The following CSMD1 variants were observed in gnomAD, a reference collection of about 807,000 sequenced individuals.
CSMD1 encodes the protein CUB and sushi domain-containing protein 1.
Under a neutral mutation model 417.5 loss-of-function variants are expected in CSMD1, and 213 were observed. The ratio of observed to expected loss-of-function variants is 0.51; its 90% CI spans 0.46 to 0.57. The LOEUF (loss-of-function observed/expected upper bound fraction) is 0.57, where lower values mean the gene tolerates loss of function less well. Among genes scored for constraint, CSMD1 ranks in the 20% least tolerant of loss-of-function variants. CSMD1 has a pLI of 0.00. For missense variants in CSMD1, 6,923 were observed against 4,529.7 expected (o/e 1.53, Z -15.17); for synonymous variants, 2,862 against 1,736.8 (o/e 1.65, Z -16.11).
intron 3 of CSMD1, among the ~76,000 whole-genome samples, chr8:4,112,263 G>A (rs981754697): frequency 6.6e-6 from 1 of 152,100 alleles, no homozygotes; most frequent in African/African-American, 2.4e-5. Flanking sequence ...AGGCATCAAT[G>A]AATGTCTCTG....
At chr8:3,952,812 A>T (rs1811678374) in intron 5 of CSMD1, among the ~76,000 whole-genome samples, 1 of 152,222 alleles carries the variant, frequency 6.6e-6, no homozygotes, top group South Asian at 2.1e-4. Flanking sequence ...TACTCTCATT[A>T]ATCAAAGAAA....
intron 22 of CSMD1, among the ~76,000 whole-genome samples, chr8:3,344,323 T>C (rs1296167778): frequency 1.3e-5 from 2 of 152,148 alleles, no homozygotes; most frequent in African/African-American, 4.8e-5. Context: ...GACTTTCTAG[T>C]AGGACAAATA....
intron 5 of CSMD1, among the ~76,000 whole-genome samples, chr8:3,770,886 A>G (rs1179045523): frequency 6.6e-6 from 1 of 152,198 alleles, no homozygotes; most frequent in Admixed American, 6.6e-5. Context: ...TTAGTCTCAT[A>G]GCATTTTGCA....
intron 28 of CSMD1, among the ~76,000 whole-genome samples, chr8:3,222,483 A>T (rs1389664479): frequency 1.3e-5 from 2 of 152,034 alleles, no homozygotes; most frequent in African/African-American, 4.8e-5. Context: ...CCAATTTTTA[A>T]AATTTTTTGT....
At chr8:4,551,788 C>T (rs887605845) in intron 2 of CSMD1, among the ~76,000 whole-genome samples, 1 of 152,094 alleles carries the variant, frequency 6.6e-6, no homozygotes, top group Non-Finnish European at 1.5e-5. Context: ...AAATGATCCT[C>T]CCACCTCAGC....
At chr8:4,881,431 C>CTATG (rs1803389738) in intron 1 of CSMD1, among the ~76,000 whole-genome samples, 1 of 45,668 alleles carries the variant, frequency 2.2e-5, no homozygotes, top group African/African-American at 4.3e-5. Flanking sequence ...ATCTATCTAT[C>CTATG]TATCTATCTA....
intron 2 of CSMD1, among the ~76,000 whole-genome samples, chr8:4,571,411 T>C (rs1798887888): frequency 6.6e-6 from 1 of 152,190 alleles, no homozygotes; most frequent in African/African-American, 2.4e-5. Context: ...CCAGTGGTCA[T>C]TTAGGAGCAG....
chr8:4,731,721 C>A (rs1717066301), intron 1 of CSMD1, among the ~76,000 whole-genome samples: 1 of 152,078 alleles, frequency 6.6e-6, no homozygotes, highest in South Asian at 2.1e-4. Context: ...CACGAGGACC[C>A]AGGAACAGCA....
At chr8:3,043,305 C>T (rs1055578319) in intron 50 of CSMD1, among the ~76,000 whole-genome samples, 2 of 149,756 alleles carry the variant, frequency 1.3e-5, no homozygotes, top group South Asian at 4.2e-4. Context: ...TACTAGGTCA[C>T]TATGGTGATA....
At chr8:4,797,094 C>T (rs754638052) in intron 1 of CSMD1, among the ~76,000 whole-genome samples, 1 of 152,042 alleles carries the variant, frequency 6.6e-6, no homozygotes, top group Non-Finnish European at 1.5e-5. Flanking sequence ...CAGTGAGAAT[C>T]GAATCAGAGA....
intron 3 of CSMD1, among the ~76,000 whole-genome samples, chr8:4,287,639 C>A (rs929674049): frequency 6.9e-6 from 1 of 145,788 alleles, no homozygotes; most frequent in Non-Finnish European, 1.5e-5. Context: ...ATGCTGGCTG[C>A]AGTCTCGTCA....
At chr8:3,466,792 T>C (rs1469688517) in intron 12 of CSMD1, among the ~76,000 whole-genome samples, 1 of 152,164 alleles carries the variant, frequency 6.6e-6, no homozygotes, top group African/African-American at 2.4e-5. Flanking sequence ...AAATTATGTA[T>C]ACGCATAAAG....
At chr8:3,347,671 G>T (rs545106814) in intron 22 of CSMD1, among the ~76,000 whole-genome samples, 1 of 152,294 alleles carries the variant, frequency 6.6e-6, no homozygotes, top group African/African-American at 2.4e-5. Flanking sequence ...CCTCAAGACA[G>T]TCCAGAAAGG....
chr8:4,487,090 C>T (rs1316826593), intron 2 of CSMD1, among the ~76,000 whole-genome samples: 1 of 151,794 alleles, frequency 6.6e-6, no homozygotes, highest in Non-Finnish European at 1.5e-5. Context: ...TTTCTTTTTG[C>T]CATCTTAGCC....
intron 3 of CSMD1, among the ~76,000 whole-genome samples, chr8:4,055,203 T>C (rs1798629683): frequency 6.6e-6 from 1 of 152,206 alleles, no homozygotes; most frequent in South Asian, 2.1e-4. Context: ...TCAATTTTCT[T>C]ATTCAATTTT....
chr8:3,961,437 G>A (rs150688681), intron 5 of CSMD1, among the ~76,000 whole-genome samples: 1 of 152,242 alleles, frequency 6.6e-6, no homozygotes, highest in African/African-American at 2.4e-5. Context: ...TCCCACAGGT[G>A]ATCTTTGACA....
At chr8:3,161,135 CAT>C (rs1388116071) in intron 38 of CSMD1, among the ~76,000 whole-genome samples, 1 of 152,120 alleles carries the variant, frequency 6.6e-6, no homozygotes, top group African/African-American at 2.4e-5. Context: ...TTAGAATATA[CAT>C]GTTTTGATTA....
chr8:3,752,696 A>C (rs1262238906), intron 6 of CSMD1, among the ~76,000 whole-genome samples: 11 of 111,344 alleles, frequency 9.9e-5, no homozygotes, highest in African/African-American at 2.4e-4. Context: ...AAAAAAAAAA[A>C]AAAAAAAACA....
chr8:3,320,181 G>A (rs776493489), intron 23 of CSMD1, among the ~76,000 whole-genome samples: 3 of 152,176 alleles, frequency 2.0e-5, no homozygotes, highest in Non-Finnish European at 2.9e-5. Context: ...AAATAATGAC[G>A]ATTATAAGAG....
Sources: allele counts gnomAD v4.1 joint callset (sites outside exome capture counted in the v4.1 genomes callset), GRCh38; gene constraint gnomAD v4.1.1; transcripts MANE v1.5; gene names NCBI Gene and HGNC (gene_info 2026-07-23, HGNC 2026-07-21).